Variants in CERS3 observed in about 807,000 individuals in gnomAD.
The protein encoded by CERS3 is ceramide synthase 3.
Under a neutral mutation model 50.3 loss-of-function variants are expected in CERS3, and 33 were observed. That is an observed-to-expected ratio of 0.66 (90% CI 0.50 to 0.88). The LOEUF (loss-of-function observed/expected upper bound fraction) is 0.88, where lower values mean the gene tolerates loss of function less well. Among genes scored for constraint, CERS3 ranks in the 40% least tolerant of loss-of-function variants. CERS3 has a pLI of 0.00. For synonymous variants in CERS3, 176 were observed against 155.2 expected (o/e 1.13, Z -0.99); for missense variants, 470 against 460.3 (o/e 1.02, Z -0.19).
chr15:100,476,243 T>A, intron 7 of CERS3, 65 bp from the exon 8 acceptor site: 1 of 970,026 alleles, frequency 1.0e-6, no homozygotes, highest in Non-Finnish European at 1.5e-6. Flanking sequence ...TTTAATGCAC[T>A]AAAACCTCCT....
chr15:100,443,080 T>G lies in CERS3; in HGVS notation c.999+12813A>C, dbSNP rs1413644608. On this transcript the variant is annotated intron_variant, in intron 11 of 11. Transcript: ENST00000679737. ...GAGACACTTTAACTAAATTATCTGCTTCCCTGACTATTCCTGGGCTACAGC... is the reference window on the plus strand; with the variant it reads ...GAGACACTTTAACTAAATTATCTGCGTCCCTGACTATTCCTGGGCTACAGC... Among the ~76,000 whole-genome samples the G allele has an allele frequency of 5.9e-5, 9 of 152,116 alleles. No individual in the cohort carries two copies. In the East Asian group the frequency reaches 1.7e-3, roughly 30 times the overall value.
chr15:100,476,667 A>C (rs1361775453), intron 7 of CERS3, among the ~76,000 whole-genome samples: 1 of 152,226 alleles, frequency 6.6e-6, no homozygotes, highest in Non-Finnish European at 1.5e-5. Flanking sequence ...TAATTATTTA[A>C]GAACTCCAAA....
rs1300648690 is a variant in CERS3, at chr15:100,483,778, A to AT, written c.407+771dup. On this transcript the variant is annotated intron_variant, in intron 5 of 11. Coordinates refer to ENST00000679737, the MANE Select transcript of CERS3 (RefSeq NM_001378789.1). ...AGAAGGATCAATAATAATAATAATT[A>AT]TTATTATTATTTTTTTTTTTGAGAC... Among the ~76,000 whole-genome samples the AT allele has an allele frequency of 4.8e-3, 285 of 59,116 alleles. 10 individuals carry two copies. The highest frequency in any genetic ancestry group is 0.028 in the Middle Eastern group (3 of 108). 38.8% of individuals were successfully genotyped at this position (59,116 alleles called of 152,430 possible). A position where few individuals can be genotyped will look rare whatever the true frequency, so the allele number is the denominator to read the frequency against.
intron 11 of CERS3, among the ~76,000 whole-genome samples, chr15:100,435,233 A>G (rs2033343581): frequency 6.6e-6 from 1 of 152,248 alleles, no homozygotes; most frequent in African/African-American, 2.4e-5. Flanking sequence ...GAACTTTAGC[A>G]CACTGGAGCT....
At chr15:100,473,147 T>A in intron 8 of CERS3, 95 bp from the exon 9 acceptor site, 1 of 1,283,536 alleles carries the variant, frequency 7.8e-7, no homozygotes, top group South Asian at 1.4e-5. Context: ...ACCAATAACT[T>A]ACATCTGCAT....
At chr15:100,411,900 G>A (rs530253612) in intron 11 of CERS3, among the ~76,000 whole-genome samples, 2 of 152,196 alleles carry the variant, frequency 1.3e-5, no homozygotes, top group Non-Finnish European at 2.9e-5. Context: ...GGCCATTCAT[G>A]TATCTTCTTC....
chr15:100,521,815 G>A (rs954911412), intron 1 of CERS3, 59 bp from the exon 2 acceptor site: 8 of 152,110 alleles, frequency 5.3e-5, no homozygotes, highest in South Asian at 2.1e-4. Context: ...GCCCATAAGC[G>A]TCCTTCTATA....
At chr15:100,533,196 C>G (rs1048884089), upstream of CERS3, among the ~76,000 whole-genome samples, 4 of 152,172 alleles carry the variant, frequency 2.6e-5, no homozygotes, top group Non-Finnish European at 4.4e-5. Context: ...GGGGGCCTCC[C>G]TCCCTACAAA....
At chr15:100,437,870 T>C (rs1160199859) in intron 11 of CERS3, 1 of 152,126 alleles carries the variant, frequency 6.6e-6, no homozygotes, top group African/African-American at 2.4e-5. Flanking sequence ...ACAGAACCTG[T>C]GCTCTTAGCT....
intron 1 of CERS3, among the ~76,000 whole-genome samples, 191 bp from the exon 2 acceptor site, chr15:100,521,947 A>C (rs1226154495): frequency 6.6e-6 from 1 of 152,216 alleles, no homozygotes; most frequent in Non-Finnish European, 1.5e-5. Flanking sequence ...GCCAACACTG[A>C]AAATTCAAGA....
Position 100,501,713 on chromosome 15 carries a change from G to T in CERS3, c.137C>A (p.Ala46Asp). The T allele has an allele frequency of 1.2e-6, 2 of 1,613,806 alleles. No individual in the cohort carries two copies. The highest frequency in any genetic ancestry group is 1.1e-5 in the South Asian group (1 of 91,074). The change falls in exon 3 of 12, where the codon GCT becomes GAT. Residue 46 changes from alanine to aspartate, a missense_variant. By Grantham distance (126) the Ala-to-Asp change is moderately radical. Coordinates refer to ENST00000679737, the MANE Select transcript of CERS3 (RefSeq NM_001378789.1). ...ACGTCTGATAATCAGCAAGAGAAAA[G>T]CATATGGAATTGTCACGTATAAATG... ...PSHLYVTIPY[A>D]FLLLIIRRVF...
chr15:100,538,945 C>T (rs551594348), intron 1 of CERS3, among the ~76,000 whole-genome samples: 84 of 152,284 alleles, frequency 5.5e-4, no homozygotes, highest in Middle Eastern at 3.4e-3. Flanking sequence ...AAACTGAATG[C>T]CTTTAAGAGC....
At chr15:100,426,005 GC>G (rs2032789952) in intron 11 of CERS3, 1 of 152,352 alleles carries the variant, frequency 6.6e-6, no homozygotes, top group Non-Finnish European at 1.5e-5. Flanking sequence ...TGTAAGAAGT[GC>G]CTGCTTTCCC....
chr15:100,437,242 G>T (rs1221473781), intron 11 of CERS3, among the ~76,000 whole-genome samples: 1 of 152,094 alleles, frequency 6.6e-6, no homozygotes, highest in Non-Finnish European at 1.5e-5. Context: ...ACCGCACCTG[G>T]CCTACATTGA....
intron 11 of CERS3, among the ~76,000 whole-genome samples, chr15:100,438,312 T>G (rs1339439637): frequency 6.6e-6 from 1 of 152,172 alleles, no homozygotes; most frequent in East Asian, 1.9e-4. Context: ...CCCAAAGTGC[T>G]AGGATTCCAG....
At chr15:100,410,713 A>AT (rs1207878479) in intron 11 of CERS3, among the ~76,000 whole-genome samples, 1 of 152,208 alleles carries the variant, frequency 6.6e-6, no homozygotes, top group Non-Finnish European at 1.5e-5. Context: ...CTGGTATCAA[A>AT]TTTTTTAGAC....
chr15:100,401,039 G>A lies in CERS3; in HGVS notation c.*1674C>T, dbSNP rs1215695748. On this transcript the variant is annotated 3_prime_UTR_variant, in exon 12 of 12. Transcript: ENST00000679737. ...TTTGTTTATTTTTGTTTAGCCTTAA[G>A]GTTTCAAATGTATATTTTTATTTAA... is the stretch of plus-strand genomic sequence containing the variant. 1 of 152,102 alleles carries A rather than the reference G, an allele frequency of 6.6e-6. No individual in the cohort carries two copies. The highest frequency in any genetic ancestry group is 6.6e-5 in the Admixed American group (1 of 15,246). 9.4% of individuals were successfully genotyped at this position (152,102 alleles called of 1,614,324 possible). A position where few individuals can be genotyped will look rare whatever the true frequency, so the allele number is the denominator to read the frequency against.
chr15:100,494,789 G>C (rs1224931484), intron 3 of CERS3, among the ~76,000 whole-genome samples: 1 of 152,206 alleles, frequency 6.6e-6, no homozygotes, highest in Non-Finnish European at 1.5e-5. Context: ...AGGTCATTCA[G>C]AGGTGAGAGC....
intron 11 of CERS3, among the ~76,000 whole-genome samples, chr15:100,427,901 G>A (rs1288027569): frequency 6.6e-6 from 1 of 152,186 alleles, no homozygotes; most frequent in Non-Finnish European, 1.5e-5. Flanking sequence ...GACTCAGAAG[G>A]TAAAGAGGTC....
Sources: allele counts gnomAD v4.1 joint callset (sites outside exome capture counted in the v4.1 genomes callset), GRCh38; gene constraint gnomAD v4.1.1; transcripts MANE v1.5; gene names NCBI Gene and HGNC (gene_info 2026-07-23, HGNC 2026-07-21).